The following RANBP2 variants were observed in gnomAD, a reference collection of about 807,000 sequenced individuals.
RANBP2 encodes RAN binding protein 2.
RANBP2 carries 57 observed loss-of-function variants against 303.6 expected under a neutral mutation model. The observed-to-expected ratio is 0.19, with a 90% confidence interval of 0.15 to 0.23. The LOEUF is 0.23. RANBP2 is among the 10% of genes least tolerant of loss of function. The pLI is 1.00. For synonymous variants in RANBP2, 1,167 were observed against 1,301.5 expected (o/e 0.90, Z 2.23); for missense variants, 3,138 against 3,780.8 (o/e 0.83, Z 4.46).
the RANBP2 span, among the ~76,000 whole-genome samples, chr2:109,108,079 G>T: frequency 1.3e-5 from 2 of 152,166 alleles, no homozygotes; most frequent in Admixed American, 1.3e-4. Context: ...CCAGTTTTTT[G>T]TATTTTTAGT....
the RANBP2 span, among the ~76,000 whole-genome samples, chr2:109,576,527 T>C: frequency 6.6e-6 from 1 of 152,182 alleles, no homozygotes; most frequent in East Asian, 1.9e-4. Flanking sequence ...CTTTGGAAAG[T>C]GGTCTAAATG....
the RANBP2 span, among the ~76,000 whole-genome samples, chr2:109,699,304 C>CCT: frequency 6.6e-6 from 1 of 152,146 alleles, no homozygotes; most frequent in Non-Finnish European, 1.5e-5. Flanking sequence ...GTTGTCTTGG[C>CCT]CTCTTCATTC....
the RANBP2 span, among the ~76,000 whole-genome samples, chr2:109,583,130 G>A: frequency 3.9e-4 from 59 of 152,198 alleles, no homozygotes; most frequent in African/African-American, 1.3e-3. Flanking sequence ...AAGAATTTAC[G>A]ATTAAGTCCT....
chr2:109,713,817 C>T, the RANBP2 span, among the ~76,000 whole-genome samples: 2 of 152,216 alleles, frequency 1.3e-5, no homozygotes, highest in African/African-American at 2.4e-5. Context: ...ATCGAATGAT[C>T]GAAAGCTTTC....
In RANBP2 at chr2:108,772,846, TTG is replaced by T; in HGVS notation, c.8114-18_8114-17del. 6.2e-7 allele frequency: 1 copy of T among 1,611,902 alleles called. No individual in the cohort carries two copies. The highest frequency in any genetic ancestry group is 8.5e-7 in the Non-Finnish European group (1 of 1,178,638). On this transcript the variant is annotated intron_variant, in intron 22 of 28. Transcript: ENST00000283195. Reference sequence around the variant, plus strand: ...TTGGGCTTCATCTAATTTCGTTTGCTTGTGTTGTACTGATTTTTCAGATAATG... The same window carrying T: ...TTGGGCTTCATCTAATTTCGTTTGCTTGTTGTACTGATTTTTCAGATAATG...
At chr2:109,579,312 AT>A in the RANBP2 span, among the ~76,000 whole-genome samples, 1 of 151,634 alleles carries the variant, frequency 6.6e-6, no homozygotes, top group Non-Finnish European at 1.5e-5. Flanking sequence ...CCAGGCACTG[AT>A]TTTTTTTATT....
At chr2:109,659,561 T>C in the RANBP2 span, among the ~76,000 whole-genome samples, 2 of 152,042 alleles carry the variant, frequency 1.3e-5, no homozygotes, top group Admixed American at 1.3e-4. Flanking sequence ...GTGGGACAGA[T>C]GGTGGGCTAG....
the RANBP2 span, among the ~76,000 whole-genome samples, chr2:109,571,156 G>T: frequency 6.6e-6 from 1 of 152,094 alleles, no homozygotes; most frequent in Non-Finnish European, 1.5e-5. Context: ...CTTCCGCCAT[G>T]GTTTTAAATT....
chr2:109,698,889 C>T, the RANBP2 span, among the ~76,000 whole-genome samples: 6 of 152,146 alleles, frequency 3.9e-5, no homozygotes, highest in Non-Finnish European at 7.3e-5. Flanking sequence ...GCCAAGATTG[C>T]GCCAGCCTGG....
At chr2:109,013,564 A>G in the RANBP2 span, among the ~76,000 whole-genome samples, 1 of 151,882 alleles carries the variant, frequency 6.6e-6, no homozygotes, top group African/African-American at 2.4e-5. Context: ...ATATGTTTAT[A>G]TTGCAAAGTG....
chr2:109,760,734 T>C, the RANBP2 span, among the ~76,000 whole-genome samples: 1 of 144,848 alleles, frequency 6.9e-6, no homozygotes, highest in South Asian at 2.2e-4. Context: ...CAGCTTCGAC[T>C]TAGCCCTGCT....
At chr2:109,366,691 A>G in the RANBP2 span, among the ~76,000 whole-genome samples, 1 of 152,110 alleles carries the variant, frequency 6.6e-6, no homozygotes, top group African/African-American at 2.4e-5. Context: ...TCTACAAATA[A>G]TAATCAACAA....
At chr2:109,587,034 G>T in the RANBP2 span, among the ~76,000 whole-genome samples, 1 of 152,238 alleles carries the variant, frequency 6.6e-6, no homozygotes, top group African/African-American at 2.4e-5. Context: ...AGTCAAGAAA[G>T]AAAGTCAACA....
At chr2:109,249,538 TCCTTCCTTCC>T in the RANBP2 span, among the ~76,000 whole-genome samples, 1 of 112,242 alleles carries the variant, frequency 8.9e-6, no homozygotes, top group Non-Finnish European at 1.9e-5. Flanking sequence ...TTTCTTTCCT[TCCTTCCTTCC>T]TTCCTTCCTT....
chr2:109,453,439 G>A, the RANBP2 span, among the ~76,000 whole-genome samples: 1 of 152,226 alleles, frequency 6.6e-6, no homozygotes. Context: ...ATCCGTGACA[G>A]TTTTCTGGTT....
At chr2:109,641,692 C>A in the RANBP2 span, among the ~76,000 whole-genome samples, 1 of 152,184 alleles carries the variant, frequency 6.6e-6, no homozygotes, top group Non-Finnish European at 1.5e-5. Context: ...TCATGCACTG[C>A]ATCTGGCTGA....
At chr2:108,862,975 T>C in the RANBP2 span, among the ~76,000 whole-genome samples, 4 of 152,180 alleles carry the variant, frequency 2.6e-5, no homozygotes, top group African/African-American at 7.2e-5. Flanking sequence ...TAACAAAGAA[T>C]CATCAAAAAC....
chr2:109,058,897 C>T, the RANBP2 span, among the ~76,000 whole-genome samples: 36 of 152,106 alleles, frequency 2.4e-4, no homozygotes, highest in Non-Finnish European at 5.0e-4. Context: ...GGGTCCCTTT[C>T]GCCTCTGCTG....
chr2:109,205,058 T>G, the RANBP2 span, among the ~76,000 whole-genome samples: 5 of 152,006 alleles, frequency 3.3e-5, no homozygotes, highest in African/African-American at 1.2e-4. Flanking sequence ...ACTAAAAATA[T>G]TAACTGGGCA....
Sources: allele counts gnomAD v4.1 joint callset (sites outside exome capture counted in the v4.1 genomes callset), GRCh38; gene constraint gnomAD v4.1.1; transcripts MANE v1.5; gene names NCBI Gene and HGNC (gene_info 2026-07-23, HGNC 2026-07-21).